The following PRH1 variants were observed in gnomAD, a reference collection of about 807,000 sequenced individuals.
PRH1 encodes proline rich protein HaeIII subfamily 1, also known as salivary acidic proline-rich phosphoprotein 1/2.
PRH1 carries 7 observed loss-of-function variants against 7.9 expected under a neutral mutation model. That is an observed-to-expected ratio of 0.89 (90% CI 0.50 to 1.67). PRH1 has a LOEUF of 1.67. Ranked by LOEUF, PRH1 falls within the 40% of genes most tolerant of loss-of-function variation. The pLI is 0.00. For missense variants in PRH1, 109 were observed against 223.6 expected (o/e 0.49, Z 3.27); for synonymous variants, 45 against 80.8 (o/e 0.56, Z 2.38).
intron 2 of PRH1, 46 bp downstream of exon 2, chr12:10,883,015 A>T (rs905812426): frequency 9.4e-6 from 15 of 1,589,076 alleles, no homozygotes; most frequent in Non-Finnish European, 1.2e-5. Flanking sequence ...TCAATTTTTC[A>T]GGGAAAAATG....
intron 1 of PRH1, among the ~76,000 whole-genome samples, chr12:11,029,865 A>T (rs1414646381): frequency 6.6e-6 from 1 of 152,228 alleles, no homozygotes; most frequent in Non-Finnish European, 1.5e-5. Context: ...TAAAATAGAA[A>T]TTCATAATGG....
At chr12:10,930,413 T>C in intron 2 of PRH1, 1 of 1,498,036 alleles carries the variant, frequency 6.7e-7, no homozygotes, top group South Asian at 1.2e-5. Context: ...CTAATATCAG[T>C]GCCCCAGAGA....
chr12:10,897,789 A>AG (rs1432767673), intron 2 of PRH1, among the ~76,000 whole-genome samples: 9 of 152,166 alleles, frequency 5.9e-5, no homozygotes, highest in Admixed American at 5.9e-4. Context: ...ACCACCACCA[A>AG]GGGGGAAACT....
At chr12:11,100,119 C>T (rs1945192048) in intron 1 of PRH1, among the ~76,000 whole-genome samples, 1 of 152,018 alleles carries the variant, frequency 6.6e-6, no homozygotes. Flanking sequence ...AGACATTTCT[C>T]CTAATCAAAA....
chr12:10,990,663 C>T (rs1242440608), intron 1 of PRH1, among the ~76,000 whole-genome samples: 2 of 152,116 alleles, frequency 1.3e-5, no homozygotes, highest in Admixed American at 6.6e-5. Flanking sequence ...CTTGAGAGTA[C>T]ATCAGGAGAA....
intron 2 of PRH1, among the ~76,000 whole-genome samples, chr12:10,916,120 C>T (rs527949443): frequency 3.9e-5 from 6 of 152,268 alleles, no homozygotes; most frequent in East Asian, 1.9e-4. Context: ...GGACATCTTA[C>T]GTGGCAGCAG....
chr12:11,085,284 T>G (rs1276248494), intron 1 of PRH1, among the ~76,000 whole-genome samples: 2 of 150,962 alleles, frequency 1.3e-5, no homozygotes, highest in African/African-American at 4.9e-5. Context: ...TAAGGCAAAT[T>G]TCAGCATTGT....
At chr12:11,138,379 T>C (rs1946614778) in intron 1 of PRH1, among the ~76,000 whole-genome samples, 2 of 152,136 alleles carry the variant, frequency 1.3e-5, no homozygotes, top group South Asian at 4.2e-4. Context: ...TTAACAAATT[T>C]GCCTATGATT....
intron 2 of PRH1, among the ~76,000 whole-genome samples, chr12:10,949,021 T>G (rs116748051): frequency 6.6e-6 from 1 of 152,212 alleles, no homozygotes; most frequent in Non-Finnish European, 1.5e-5. Context: ...CCTCTCAGTG[T>G]TCTGAAGATG....
intron 1 of PRH1, among the ~76,000 whole-genome samples, chr12:11,071,992 T>C (rs948373069): frequency 2.6e-5 from 4 of 152,022 alleles, no homozygotes; most frequent in South Asian, 4.1e-4. Context: ...TTCATTACTT[T>C]TGAACCAGGC....
intron 1 of PRH1, among the ~76,000 whole-genome samples, chr12:10,993,710 G>C (rs573615496): frequency 1.3e-5 from 2 of 152,314 alleles, no homozygotes; most frequent in African/African-American, 4.8e-5. Context: ...AAGGCTACTG[G>C]TCTCAAGTGG....
intron 1 of PRH1, among the ~76,000 whole-genome samples, chr12:11,155,752 A>T (rs1947230650): frequency 6.6e-6 from 1 of 151,964 alleles, no homozygotes; most frequent in Admixed American, 6.6e-5. Context: ...TCCTTCCTTA[A>T]TTTATAGGTA....
intron 1 of PRH1, among the ~76,000 whole-genome samples, chr12:11,126,661 C>T (rs1350216993): frequency 7.5e-6 from 1 of 132,972 alleles, no homozygotes; most frequent in African/African-American, 2.6e-5. Context: ...TAATGCCATA[C>T]TCAAAGTAAT....
At chr12:10,889,715 G>A (rs1310517073) in intron 2 of PRH1, among the ~76,000 whole-genome samples, 1 of 151,992 alleles carries the variant, frequency 6.6e-6, no homozygotes, top group Admixed American at 6.6e-5. Flanking sequence ...ATTTTACCCT[G>A]TATTGTTTAG....
chr12:10,922,603 TACATA>T (rs1950061448), intron 2 of PRH1, among the ~76,000 whole-genome samples: 1 of 152,174 alleles, frequency 6.6e-6, no homozygotes, highest in Non-Finnish European at 1.5e-5. Context: ...TACAGATTTC[TACATA>T]AAAGTATTGA....
intron 1 of PRH1, among the ~76,000 whole-genome samples, chr12:11,071,581 C>T (rs1474469678): frequency 6.6e-6 from 1 of 152,172 alleles, no homozygotes; most frequent in African/African-American, 2.4e-5. Context: ...GGCAGGATTG[C>T]TCTCCTGGGG....
intron 1 of PRH1, among the ~76,000 whole-genome samples, chr12:11,036,086 G>C (rs1293458460): frequency 1.3e-5 from 2 of 152,114 alleles, no homozygotes; most frequent in African/African-American, 4.8e-5. Flanking sequence ...GTAGAGACAG[G>C]GTTTTACTGT....
At chr12:10,901,686 G>A (rs533169621) in intron 2 of PRH1, among the ~76,000 whole-genome samples, 1 of 152,112 alleles carries the variant, frequency 6.6e-6, no homozygotes, top group Non-Finnish European at 1.5e-5. Context: ...CTACTGGCTT[G>A]TAGGTTGAAC....
At chr12:11,143,108 T>G (rs547847975) in intron 1 of PRH1, among the ~76,000 whole-genome samples, 11 of 128,234 alleles carry the variant, frequency 8.6e-5, no homozygotes, top group African/African-American at 3.0e-4. Flanking sequence ...AATTAAATCA[T>G]GAACTGACAA....
Sources: allele counts gnomAD v4.1 joint callset (sites outside exome capture counted in the v4.1 genomes callset), GRCh38; gene constraint gnomAD v4.1.1; transcripts MANE v1.5; gene names NCBI Gene and HGNC (gene_info 2026-07-23, HGNC 2026-07-21).